CCBE1: variants seen among roughly 807,000 people sequenced by gnomAD.
CCBE1 encodes the protein collagen and calcium-binding EGF domain-containing protein 1.
Under a neutral mutation model 50.0 loss-of-function variants are expected in CCBE1, and 37 were observed. The ratio of observed to expected loss-of-function variants is 0.74; its 90% CI spans 0.57 to 0.97. The LOEUF is 0.97. Ranked by LOEUF, CCBE1 falls within the 50% of genes least tolerant of loss-of-function variation. The pLI is 0.00. For missense variants in CCBE1, 538 were observed against 523.8 expected (o/e 1.03, Z -0.26); for synonymous variants, 234 against 203.7 (o/e 1.15, Z -1.27).
At chr18:59,592,723 G>A (rs949622501) in intron 2 of CCBE1, among the ~76,000 whole-genome samples, 3 of 152,198 alleles carry the variant, frequency 2.0e-5, no homozygotes, top group Non-Finnish European at 2.9e-5. Context: ...ATATATTGGA[G>A]TAAGGAAGTG....
At chr18:59,520,435 A>G (rs114175120) in intron 2 of CCBE1, among the ~76,000 whole-genome samples, 196 of 152,326 alleles carry the variant, frequency 1.3e-3, no homozygotes, top group African/African-American at 3.8e-3. Flanking sequence ...AGTTGAATTC[A>G]GCATAGGTTA....
At chr18:59,526,821 G>C (rs186738455) in intron 2 of CCBE1, among the ~76,000 whole-genome samples, 1 of 152,320 alleles carries the variant, frequency 6.6e-6, no homozygotes, top group African/African-American at 2.4e-5. Context: ...TTGTGGTTTT[G>C]AGTGAGTTTC....
At chr18:59,640,908 A>G (rs1355164803) in intron 2 of CCBE1, among the ~76,000 whole-genome samples, 2 of 152,198 alleles carry the variant, frequency 1.3e-5, no homozygotes, top group African/African-American at 2.4e-5. Flanking sequence ...CCCTCATCAG[A>G]GAGTTGCAAA....
rs113888593 is a variant in CCBE1, at chr18:59,611,940, T to C, written c.212+84689A>G. On this transcript the variant is annotated intron_variant, in intron 2 of 10. Coordinates refer to ENST00000439986, the MANE Select transcript of CCBE1 (RefSeq NM_133459.4). ...TAAGAGCAGGGTAAAGTCTACTGTT[T>C]GCTGGTTTCAAGCTACATACCTGGA... is the stretch of plus-strand genomic sequence containing the variant. 5.2e-3 allele frequency among the ~76,000 whole-genome samples: 793 copies of C among 152,258 alleles called. 11 individuals are homozygous for C. Among genetic ancestry groups the C allele is most frequent in the African/African-American group, 0.018 (745 of 41,550 alleles).
At chr18:59,581,225 G>T (rs760337362) in intron 2 of CCBE1, among the ~76,000 whole-genome samples, 1 of 152,076 alleles carries the variant, frequency 6.6e-6, no homozygotes, top group Non-Finnish European at 1.5e-5. Context: ...GGCGGATCAC[G>T]AGGTCAGGAG....
At chr18:59,625,961 G>A (rs1156635217) in intron 2 of CCBE1, among the ~76,000 whole-genome samples, 3 of 152,140 alleles carry the variant, frequency 2.0e-5, no homozygotes, top group East Asian at 1.9e-4. Flanking sequence ...CTCCACAGTT[G>A]CAAGAAAATA....
chr18:59,484,676 C>T (rs552578744), intron 2 of CCBE1, among the ~76,000 whole-genome samples: 9 of 152,306 alleles, frequency 5.9e-5, no homozygotes, highest in African/African-American at 1.9e-4. Flanking sequence ...ATTTACATAC[C>T]TGCTTAGCTA....
chr18:59,597,872 C>CA (rs1446483457), intron 2 of CCBE1, among the ~76,000 whole-genome samples: 1 of 152,056 alleles, frequency 6.6e-6, no homozygotes, highest in Non-Finnish European at 1.5e-5. Flanking sequence ...TGAGAGTTTC[C>CA]AAAATATTTG....
chr18:59,692,747 A>T (rs567091635), intron 2 of CCBE1, among the ~76,000 whole-genome samples: 21 of 152,286 alleles, frequency 1.4e-4, no homozygotes, highest in African/African-American at 5.1e-4. Flanking sequence ...ACTATTTCCC[A>T]TGGGAACATT....
chr18:59,504,112 A>G (rs1238844260), intron 2 of CCBE1, among the ~76,000 whole-genome samples: 1 of 152,200 alleles, frequency 6.6e-6, no homozygotes, highest in East Asian at 1.9e-4. Flanking sequence ...AAACTGGAGG[A>G]AAAAATGATC....
rs535387660 is a variant in CCBE1, at chr18:59,639,813, T to C, written c.212+56816A>G. 2.1e-4 allele frequency among the ~76,000 whole-genome samples: 32 copies of C among 152,286 alleles called. No homozygotes were observed. In the South Asian group the frequency reaches 4.2e-3, roughly 20 times the overall value. On this transcript the variant is annotated intron_variant, in intron 2 of 10. Coordinates refer to ENST00000439986, the MANE Select transcript of CCBE1 (RefSeq NM_133459.4). ...AGTTTCAGGATAGAAAAAAAGTTAA[T>C]GTATGAAAATCAGTAGCGTTCCTAT...
chr18:59,531,579 C>G (rs756430781), intron 2 of CCBE1, among the ~76,000 whole-genome samples: 18 of 152,188 alleles, frequency 1.2e-4, no homozygotes, highest in Non-Finnish European at 2.6e-4. Flanking sequence ...GAGATCCTAT[C>G]TCTACAAAAA....
rs551246150 is a variant in CCBE1 at position 59,594,164 on chromosome 18, C to T, written c.212+102465G>A. 9.2e-5 allele frequency among the ~76,000 whole-genome samples: 14 copies of T among 152,350 alleles called. No individual in the cohort carries two copies. The East Asian group carries it at 2.5e-3, about 27-fold the overall frequency. On this transcript the variant is annotated intron_variant, in intron 2 of 10. Coordinates refer to ENST00000439986, the MANE Select transcript of CCBE1 (RefSeq NM_133459.4). ...CCAAAACCAAGGCAAGCTTGATTACCTATCCTCCTCCTTAAAAATTAGATA... is the reference window on the plus strand; with the variant it reads ...CCAAAACCAAGGCAAGCTTGATTACTTATCCTCCTCCTTAAAAATTAGATA...
At chr18:59,670,129 G>A (rs2054412088) in intron 2 of CCBE1, among the ~76,000 whole-genome samples, 2 of 147,796 alleles carry the variant, frequency 1.4e-5, no homozygotes, top group South Asian at 4.3e-4. Context: ...AAGCAGGAGG[G>A]GGTGGGGGAA....
At chr18:59,696,799 C>A (rs971268395) in intron 1 of CCBE1, 90 bp from the exon 2 acceptor site, 4 of 1,384,744 alleles carry the variant, frequency 2.9e-6, no homozygotes, top group African/African-American at 2.8e-5. Flanking sequence ...GCGTGGGGAT[C>A]GCCAGGCTCC....
intron 2 of CCBE1, among the ~76,000 whole-genome samples, chr18:59,670,916 C>G (rs1272776055): frequency 6.6e-6 from 1 of 152,082 alleles, no homozygotes; most frequent in Non-Finnish European, 1.5e-5. Context: ...CCGCTGCACT[C>G]CAGCATGGGC....
intron 5 of CCBE1, among the ~76,000 whole-genome samples, chr18:59,456,517 G>A (rs1156915329): frequency 2.6e-5 from 4 of 152,236 alleles, no homozygotes; most frequent in Middle Eastern, 3.4e-3. Context: ...AAAATTGCCC[G>A]CTGATGACCA....
chr18:59,566,245 G>T (rs149532598), intron 2 of CCBE1, among the ~76,000 whole-genome samples: 3 of 152,084 alleles, frequency 2.0e-5, no homozygotes, highest in African/African-American at 4.8e-5. Flanking sequence ...CTCTTCCAGG[G>T]CCATTCATAA....
intron 2 of CCBE1, among the ~76,000 whole-genome samples, chr18:59,481,623 C>T (rs959672571): frequency 2.0e-5 from 3 of 152,246 alleles, no homozygotes; most frequent in Non-Finnish European, 2.9e-5. Context: ...AACCACGAAC[C>T]TCTCATCAGA....
Sources: gnomAD v4.1 joint callset for allele counts (sites outside exome capture counted in the v4.1 genomes callset) on GRCh38, gnomAD v4.1.1 for gene constraint, MANE v1.5 for transcripts, NCBI Gene and HGNC (gene_info 2026-07-23, HGNC 2026-07-21) for gene names.